CRY1: variants seen among roughly 807,000 people sequenced by gnomAD.
The protein encoded by CRY1 is cryptochrome-1.
Under a neutral mutation model 76.0 loss-of-function variants are expected in CRY1, and 45 were observed. The observed-to-expected ratio is 0.59, with a 90% CI of 0.47 to 0.76. CRY1 has a LOEUF of 0.76. Among genes scored for constraint, CRY1 ranks in the 30% least tolerant of loss-of-function variants. The pLI is 0.00. For synonymous variants in CRY1, 248 were observed against 244.0 expected (o/e 1.02, Z -0.15); for missense variants, 587 against 716.4 (o/e 0.82, Z 2.06).
chr12:107,002,570 TAAA>T (rs952868213), intron 3 of CRY1, among the ~76,000 whole-genome samples: 34 of 152,302 alleles, frequency 2.2e-4, no homozygotes, highest in African/African-American at 8.2e-4. Flanking sequence ...AAATTCCAAA[TAAA>T]ATACAATTTT....
intron 10 of CRY1, 65 bp from the exon 11 acceptor site, chr12:106,993,101 T>C (rs771021235): frequency 2.6e-6 from 4 of 1,509,556 alleles, no homozygotes; most frequent in Non-Finnish European, 3.7e-6. Context: ...TATTATTAAG[T>C]CTACAAATCC....
chr12:107,058,538 G>A (rs7131872), intron 1 of CRY1, among the ~76,000 whole-genome samples: 105,588 of 152,076 alleles, frequency 0.69, 37,481 homozygotes, highest in East Asian at 0.97. Context: ...TCCTCAGGAA[G>A]GTAACATAAA....
Position 107,001,368 on chromosome 12 carries a change from C to CTT in CRY1, c.596-1_596insAA (p.Gly199GlufsTer42). 6.2e-7 allele frequency: 1 copy of CTT among 1,601,978 alleles called. No individual in the cohort carries two copies. The highest frequency in any genetic ancestry group is 8.5e-7 in the Non-Finnish European group (1 of 1,176,538). On this transcript the variant is annotated frameshift_variant and splice_region_variant. Transcript: ENST00000008527. LOFTEE classifies it high-confidence loss of function. ...AGAGGATAAGCCATCTGTATCAAAA[C>CTT]CTACAAGAAAGAAAAGAAAAAAACA...
chr12:107,061,990 C>T (rs1452418870), intron 1 of CRY1, among the ~76,000 whole-genome samples: 1 of 135,490 alleles, frequency 7.4e-6, no homozygotes, highest in Non-Finnish European at 1.5e-5. Context: ...TGTGCCACTG[C>T]ACTCCAGCCT....
At chr12:107,051,277 C>T (rs1379434769) in intron 1 of CRY1, among the ~76,000 whole-genome samples, 1 of 152,124 alleles carries the variant, frequency 6.6e-6, no homozygotes, top group African/African-American at 2.4e-5. Context: ...GTCACATTAT[C>T]TTATTTAGGT....
intron 1 of CRY1, among the ~76,000 whole-genome samples, chr12:107,051,377 C>A (rs2136875836): frequency 1.3e-5 from 2 of 151,810 alleles, no homozygotes; most frequent in East Asian, 1.9e-4. Flanking sequence ...TATTAGTGAC[C>A]AATAAAATGC....
chr12:107,039,016 C>T (rs1952767873), intron 1 of CRY1, among the ~76,000 whole-genome samples: 1 of 152,026 alleles, frequency 6.6e-6, no homozygotes, highest in African/African-American at 2.4e-5. Context: ...CCCAGCTACT[C>T]GGGAAGGCTG....
intron 1 of CRY1, among the ~76,000 whole-genome samples, chr12:107,076,353 G>A (rs1953251780): frequency 6.6e-6 from 1 of 152,062 alleles, no homozygotes; most frequent in Non-Finnish European, 1.5e-5. Context: ...GTGCATGCCT[G>A]TAATCCCAGC....
intron 1 of CRY1, among the ~76,000 whole-genome samples, chr12:107,041,771 C>G (rs1345220592): frequency 8.6e-6 from 1 of 116,134 alleles, no homozygotes; most frequent in East Asian, 2.6e-4. Flanking sequence ...CAGATGCTTT[C>G]ATAGTGGTAG....
chr12:107,014,647 AT>A (rs778451275), intron 2 of CRY1, among the ~76,000 whole-genome samples: 1 of 151,250 alleles, frequency 6.6e-6, no homozygotes, highest in Non-Finnish European at 1.5e-5. Context: ...TTAGTTCTTG[AT>A]TTTTCCTTTT....
intron 1 of CRY1, among the ~76,000 whole-genome samples, chr12:107,064,740 G>A (rs1039794617): frequency 1.3e-5 from 2 of 152,112 alleles, no homozygotes; most frequent in African/African-American, 4.8e-5. Flanking sequence ...TGAAATGACA[G>A]AAACCACAAA....
chr12:106,992,258 T>C (rs1952187975), intron 12 of CRY1: 1 of 152,150 alleles, frequency 6.6e-6, no homozygotes, highest in African/African-American at 2.4e-5. Context: ...CCAAATCCAA[T>C]TAAATTGAAT....
At chr12:107,078,869 C>CA (rs1565845981) in intron 1 of CRY1, among the ~76,000 whole-genome samples, 1 of 152,130 alleles carries the variant, frequency 6.6e-6, no homozygotes, top group East Asian at 1.9e-4. Flanking sequence ...TCCAGGCAGT[C>CA]ACCTAAGCTT....
chr12:107,052,483 G>A (rs1231458072), intron 1 of CRY1, among the ~76,000 whole-genome samples: 1 of 152,090 alleles, frequency 6.6e-6, no homozygotes, highest in Non-Finnish European at 1.5e-5. Flanking sequence ...TAGAAGGAGA[G>A]GGAGTAAAGA....
At chr12:107,043,863 A>C (rs543170563) in intron 1 of CRY1, among the ~76,000 whole-genome samples, 15 of 152,016 alleles carry the variant, frequency 9.9e-5, no homozygotes, top group Non-Finnish European at 1.9e-4. Flanking sequence ...TAGAACCCAA[A>C]TTGCCACTGA....
chr12:107,057,488 T>A (rs1437107445), intron 1 of CRY1, among the ~76,000 whole-genome samples: 2 of 152,152 alleles, frequency 1.3e-5, no homozygotes, highest in African/African-American at 4.8e-5. Context: ...TCTCCAAAGT[T>A]TTCTCACAAA....
At chr12:107,071,153 A>G (rs1246367029) in intron 1 of CRY1, among the ~76,000 whole-genome samples, 1 of 152,160 alleles carries the variant, frequency 6.6e-6, no homozygotes, top group Non-Finnish European at 1.5e-5. Flanking sequence ...CTCTGGCACA[A>G]TAAGTAATAG....
At chr12:107,062,551 A>T (rs1053319062) in intron 1 of CRY1, among the ~76,000 whole-genome samples, 3 of 152,194 alleles carry the variant, frequency 2.0e-5, no homozygotes, top group Admixed American at 2.0e-4. Flanking sequence ...AAGTCACAAA[A>T]GAATCATTAA....
Position 107,001,338 on chromosome 12 carries a change from A to AG in CRY1, c.625_626insC (p.Val209AlafsTer8), listed in dbSNP as rs1952308206. 3 of 1,613,554 alleles carry AG rather than the reference A, an allele frequency of 1.9e-6. No individual in the cohort carries two copies. Among genetic ancestry groups the AG allele is most frequent in the Non-Finnish European group, 2.5e-6 (3 of 1,179,788 alleles). ...TGCTTCAGTTTCTCCACCTGGCCAC[A>AG]CTGCAGAGGATAAGCCATCTGTATC... On this transcript the variant is annotated frameshift_variant, in exon 5 of 13. Coordinates refer to ENST00000008527, the MANE Select transcript of CRY1 (RefSeq NM_004075.5). LOFTEE classifies it high-confidence loss of function.
Sources: allele counts gnomAD v4.1 joint callset (sites outside exome capture counted in the v4.1 genomes callset), GRCh38; gene constraint gnomAD v4.1.1; transcripts MANE v1.5; gene names NCBI Gene and HGNC (gene_info 2026-07-23, HGNC 2026-07-21).